The following ZNF263 variants were observed in gnomAD, a reference collection of about 807,000 sequenced individuals.
The protein encoded by ZNF263 is zinc finger protein FPM315.
In ZNF263, 49 loss-of-function variants were observed where a neutral mutation model predicts 63.1. The observed-to-expected ratio is 0.78, with a 90% CI of 0.62 to 0.99. The LOEUF is 0.99. ZNF263 is among the 50% of genes least tolerant of loss of function. The pLI, the probability that ZNF263 is intolerant of heterozygous loss-of-function variation, is 0.00. For synonymous variants in ZNF263, 352 were observed against 324.2 expected (o/e 1.09, Z -0.92); for missense variants, 872 against 854.8 (o/e 1.02, Z -0.25).
intron 2 of ZNF263, 105 bp downstream of exon 2, chr16:3,285,344 G>T (rs1212379986): frequency 2.3e-6 from 3 of 1,302,018 alleles, no homozygotes; most frequent in African/African-American, 1.5e-5. Flanking sequence ...AATTTCTGAA[G>T]ATCAGGTTCT....
At chr16:3,286,324 T>A in intron 4 of ZNF263, 175 bp downstream of exon 4, 1 of 915,182 alleles carries the variant, frequency 1.1e-6, no homozygotes, top group Non-Finnish European at 1.5e-6. Context: ...GTGGTACAGT[T>A]GGCACAGGCA....
At chr16:3,292,140 C>T (rs148707309), downstream of ZNF263, among the ~76,000 whole-genome samples, 132 of 152,204 alleles carry the variant, frequency 8.7e-4, no homozygotes, top group African/African-American at 2.9e-3. Context: ...AGTAGGAAAT[C>T]GGATGCCAGG....
At chr16:3,287,359 G>T (rs1014280084) in intron 4 of ZNF263, among the ~76,000 whole-genome samples, 1 of 146,928 alleles carries the variant, frequency 6.8e-6, no homozygotes, top group Non-Finnish European at 1.5e-5. Context: ...TGATCCACCC[G>T]CCTCCCAAAG....
rs1160878971 is a variant in ZNF263 at position 3,290,782 on chromosome 16, G to A, written c.*224G>A. 4 of 1,343,798 alleles carry A rather than the reference G, an allele frequency of 3.0e-6. No individual in the cohort carries two copies. The highest frequency in any genetic ancestry group is 2.9e-6 in the Non-Finnish European group (3 of 1,050,264). 83.2% of individuals were successfully genotyped at this position (1,343,798 alleles called of 1,614,324 possible). ...GGCAAGTCTCTGAGGTGACCTCAGGGTGGAATTCTCTGTTAAGTCCACCCT... is the reference window on the plus strand; with the variant it reads ...GGCAAGTCTCTGAGGTGACCTCAGGATGGAATTCTCTGTTAAGTCCACCCT... On this transcript the variant is annotated 3_prime_UTR_variant, in exon 6 of 6. Coordinates refer to ENST00000219069, the MANE Select transcript of ZNF263 (RefSeq NM_005741.5).
intron 5 of ZNF263, 28 bp downstream of exon 5, chr16:3,288,598 C>T (rs561519840): frequency 7.2e-6 from 11 of 1,522,130 alleles, no homozygotes; most frequent in South Asian, 3.5e-5. Context: ...GTGGCCTGCG[C>T]AGCAAGCAGC....
intron 3 of ZNF263, 34 bp downstream of exon 3, chr16:3,285,788 A>G: frequency 6.2e-7 from 1 of 1,610,076 alleles, no homozygotes; most frequent in Non-Finnish European, 8.5e-7. Context: ...TCCCCCCAGC[A>G]CCCTTCCTCC....
chr16:3,300,698 T>A (rs1213085243), intron 2 of ZNF263: 31 of 1,501,080 alleles, frequency 2.1e-5, no homozygotes, highest in African/African-American at 7.0e-5. Flanking sequence ...CCACATTTTT[T>A]AAACAAAACT....
intron 4 of ZNF263, 194 bp downstream of exon 4, chr16:3,286,343 C>T: frequency 5.7e-6 from 4 of 706,482 alleles, no homozygotes; most frequent in Non-Finnish European, 8.4e-6. Context: ...CAGCCCGGGA[C>T]TGGAGTCCCA....
Position 3,288,471 on chromosome 16 carries a change from CAGG to C in ZNF263, c.791_793del (p.Glu264del). On this transcript the variant is annotated inframe_deletion, in exon 5 of 6. Coordinates refer to ENST00000219069, the MANE Select transcript of ZNF263 (RefSeq NM_005741.5). ...GTGAACAGAGTCTCACATTCCCAGT[CAGG>C]AGGTCCCAGGCACCCAGGTGGGACA... 1 of 1,612,020 alleles carries C rather than the reference CAGG, an allele frequency of 6.2e-7. No homozygotes were observed. Among genetic ancestry groups the C allele is most frequent in the Non-Finnish European group, 8.5e-7 (1 of 1,178,748 alleles).
chr16:3,292,464 C>G (rs1426722026), downstream of ZNF263, among the ~76,000 whole-genome samples: 3 of 152,108 alleles, frequency 2.0e-5, no homozygotes, highest in Non-Finnish European at 2.9e-5. Context: ...TTAGAGAGAT[C>G]AGAGTAGGAT....
intron 3 of ZNF263, 48 bp downstream of exon 3, chr16:3,285,802 G>T: frequency 6.2e-7 from 1 of 1,601,594 alleles, no homozygotes; most frequent in Non-Finnish European, 8.6e-7. Context: ...TTCCTCCCCT[G>T]AGTGTTGGGG....
chr16:3,286,475 A>G (rs1959364026), intron 4 of ZNF263: 2 of 187,814 alleles, frequency 1.1e-5, no homozygotes, highest in Non-Finnish European at 2.2e-5. Context: ...GGGGCTCTAA[A>G]TGGTTGATTC....
In ZNF263 at chr16:3,285,705, T is replaced by G. The variant is rs200446580; in HGVS notation, c.593T>G (p.Leu198Arg). The stretch of plus-strand genomic sequence containing the variant: ...GCATTATCTGCTCCCTGGCTTTCTC[T>G]TTTTCCTCCTGAAGGGAACATGGAA... The part of the protein sequence containing the change: ...ERALSAPWLS[L>R]FPPEGNMEDK... Residue 198 changes from leucine (L) to arginine (R), a missense_variant, in exon 3 of 6, where the codon CTT (leucine) becomes CGT (arginine). Transcript: ENST00000219069. 1 of 1,614,120 alleles carries G rather than the reference T, an allele frequency of 6.2e-7. No individual in the cohort carries two copies. Among genetic ancestry groups the G allele is most frequent in the Non-Finnish European group, 8.5e-7 (1 of 1,179,988 alleles).
intron 4 of ZNF263, 54 bp from the exon 5 acceptor site, chr16:3,288,400 A>G: frequency 7.6e-7 from 1 of 1,317,234 alleles, no homozygotes; most frequent in Non-Finnish European, 1.1e-6. Context: ...CTGTTTCCCT[A>G]CCCTGGTAGA....
chr16:3,301,293 T>A (rs1959933495), exon 3 of ZNF263: 1 of 167,138 alleles, frequency 6.0e-6, no homozygotes, highest in Admixed American at 6.5e-5. Context: ...AGAGTTGGAA[T>A]TCAGGAACAG....
At chr16:3,296,523 A>G (rs1310417839) in intron 1 of ZNF263, among the ~76,000 whole-genome samples, 4 of 152,176 alleles carry the variant, frequency 2.6e-5, no homozygotes, top group African/African-American at 9.7e-5. Context: ...TAATCTTAAA[A>G]AAAGAAAAAG....
chr16:3,286,781 G>A (rs1959375477), intron 4 of ZNF263: 1 of 152,162 alleles, frequency 6.6e-6, no homozygotes. Context: ...ACATATAGTT[G>A]GATTTAGGTG....
intron 5 of ZNF263, 105 bp from the exon 6 acceptor site, chr16:3,289,286 AGC>A: frequency 3.2e-6 from 4 of 1,234,560 alleles, no homozygotes; most frequent in Non-Finnish European, 4.4e-6. Flanking sequence ...CTGAGGTAGA[AGC>A]AGCCCTTCTG....
chr16:3,299,300 C>G lies in ZNF263; in HGVS notation c.*46+144C>G, dbSNP rs151295470. On this transcript the variant is annotated intron_variant, in intron 2 of 2. Transcript: ENST00000574674. ...TTTTCTTCATCTCCATTTAACCACA[C>G]CCTATCATCATCCAACTTAGTTTCC... 107 of 1,609,378 alleles carry G rather than the reference C, an allele frequency of 6.6e-5. No individual in the cohort carries two copies. In the African/African-American group the frequency reaches 1.3e-3, roughly 19 times the overall value.
Sources: allele counts gnomAD v4.1 joint callset (sites outside exome capture counted in the v4.1 genomes callset), GRCh38; gene constraint gnomAD v4.1.1; transcripts MANE v1.5; gene names NCBI Gene and HGNC (gene_info 2026-07-23, HGNC 2026-07-21).